Variants in SIPA1L2 observed in about 807,000 individuals in gnomAD.
SIPA1L2 encodes signal-induced proliferation-associated 1-like protein 2.
A neutral mutation model predicts 163.9 loss-of-function variants in SIPA1L2; 56 were observed. The ratio of observed to expected loss-of-function variants is 0.34; its 90% CI spans 0.28 to 0.43. The LOEUF is 0.43. Among genes scored for constraint, SIPA1L2 ranks in the 20% least tolerant of loss-of-function variants. The pLI is 1.00. For synonymous variants in SIPA1L2, 877 were observed against 865.7 expected, an observed-to-expected ratio of 1.01 and a Z score of -0.23; for missense variants, 1,974 against 2,193.5, an observed-to-expected ratio of 0.90 and a Z score of 2.00.
intron 11 of SIPA1L2, among the ~76,000 whole-genome samples, chr1:232,445,044 T>C (rs1043708457): frequency 1.3e-5 from 2 of 152,214 alleles, no homozygotes; most frequent in Non-Finnish European, 2.9e-5. Flanking sequence ...CATTCTTCTT[T>C]GAAAAAATAA....
In SIPA1L2 at chr1:232,495,564, C is replaced by CAAA. The variant is rs386369969; in HGVS notation, c.1484-1907_1484-1905dup. On this transcript the variant is annotated intron_variant, in intron 3 of 22. Coordinates refer to ENST00000674635, the MANE Select transcript of SIPA1L2 (RefSeq NM_020808.5). ...TGGGTGACAGAGCAAGACTCCGTCTCAAAAAAAAAAAAAAAAAGATGAAAG... is the reference window on the plus strand; with the variant it reads ...TGGGTGACAGAGCAAGACTCCGTCTCAAAAAAAAAAAAAAAAAAAAGATGAAAG... 7.7e-4 allele frequency among the ~76,000 whole-genome samples: 77 copies of CAAA among 100,380 alleles called. 3 individuals carry two copies. In the East Asian group the frequency reaches 0.014, roughly 19 times the overall value. 65.9% of individuals were successfully genotyped at this position (100,380 alleles called of 152,430 possible). A position where few individuals can be genotyped will look rare whatever the true frequency, so the allele number is the denominator to read the frequency against.
chr1:232,460,766 G>T, intron 10 of SIPA1L2, 121 bp downstream of exon 10: 1 of 1,225,936 alleles, frequency 8.2e-7, no homozygotes, highest in South Asian at 1.6e-5. Flanking sequence ...TGACATCCCA[G>T]AACACTGTAC....
At chr1:232,598,369 T>G (rs970392105) in intron 1 of SIPA1L2, among the ~76,000 whole-genome samples, 5 of 152,122 alleles carry the variant, frequency 3.3e-5, no homozygotes, top group Non-Finnish European at 7.3e-5. Flanking sequence ...GGTGATGGCA[T>G]CAATGTACTC....
intron 1 of SIPA1L2, among the ~76,000 whole-genome samples, chr1:232,625,175 G>A (rs1026749522): frequency 7.2e-5 from 11 of 152,218 alleles, no homozygotes; most frequent in African/African-American, 2.4e-4. Context: ...ATATGGGCTA[G>A]TTATAAGATA....
rs745662748 is a variant in SIPA1L2, at chr1:232,441,328, T to G, written c.3605A>C (p.Asp1202Ala). 3 of 1,593,790 alleles carry G rather than the reference T, an allele frequency of 1.9e-6. No homozygotes were observed. The highest frequency in any genetic ancestry group is 2.6e-6 in the Non-Finnish European group (3 of 1,175,594). ...ATTGGGGGAATCTTTGCAACTTCCA[T>G]CTTTCTGCAGAGCTCTTTCTTTATA... ...GSYKERALQK[D>A]GSCKDSPNKL... Residue 1202 changes from aspartate to alanine, a missense_variant, in exon 14 of 23, where the codon GAT becomes GCT. This residue lies in a region of SIPA1L2 where 1,079 missense variants were observed against 1,150.7 expected (regional missense o/e 0.94). Coordinates refer to ENST00000674635, the MANE Select transcript of SIPA1L2 (RefSeq NM_020808.5).
chr1:232,607,759 T>TAAA (rs775834153), intron 1 of SIPA1L2, among the ~76,000 whole-genome samples: 9 of 144,950 alleles, frequency 6.2e-5, no homozygotes, highest in Admixed American at 4.1e-4. Flanking sequence ...CACCTCTTTT[T>TAAA]TAAAAAAAAA....
chr1:232,403,349 A>C, intron 21 of SIPA1L2, 99 bp downstream of exon 21: 1 of 1,470,326 alleles, frequency 6.8e-7, no homozygotes, highest in Non-Finnish European at 9.3e-7. Context: ...GCATGGTGCA[A>C]TATGGTCGCC....
chr1:232,544,924 A>G (rs1657936606), intron 2 of SIPA1L2, among the ~76,000 whole-genome samples: 1 of 152,158 alleles, frequency 6.6e-6, no homozygotes, highest in African/African-American at 2.4e-5. Context: ...CTCTGAATCC[A>G]GCATATGAAT....
intron 2 of SIPA1L2, among the ~76,000 whole-genome samples, chr1:232,529,554 G>A (rs887675969): frequency 6.6e-6 from 1 of 152,146 alleles, no homozygotes; most frequent in African/African-American, 2.4e-5. Context: ...CCAGAATACA[G>A]CTTGGCTAAA....
intron 9 of SIPA1L2, 148 bp downstream of exon 9, chr1:232,464,692 A>G: frequency 1.5e-6 from 1 of 648,044 alleles, no homozygotes. Context: ...AAAAGGACCC[A>G]GCATTTAAAA....
At chr1:232,407,437 A>C (rs1391625396) in intron 19 of SIPA1L2, among the ~76,000 whole-genome samples, 1 of 152,252 alleles carries the variant, frequency 6.6e-6, no homozygotes, top group East Asian at 1.9e-4. Context: ...AAAAGTTCTC[A>C]TCATAAAAAG....
chr1:232,496,856 C>T (rs150186038), intron 3 of SIPA1L2, among the ~76,000 whole-genome samples: 27 of 152,220 alleles, frequency 1.8e-4, no homozygotes, highest in Middle Eastern at 3.4e-3. Flanking sequence ...AAAAATACAA[C>T]AGTCATAAGA....
intron 9 of SIPA1L2, among the ~76,000 whole-genome samples, chr1:232,464,146 A>C (rs923493290): frequency 1.4e-4 from 21 of 152,226 alleles, no homozygotes; most frequent in African/African-American, 3.9e-4. Flanking sequence ...AAAAACTAGA[A>C]GTAGTTTGAT....
intron 18 of SIPA1L2, among the ~76,000 whole-genome samples, chr1:232,417,840 G>A (rs1428711282): frequency 1.3e-5 from 2 of 152,166 alleles, no homozygotes; most frequent in Non-Finnish European, 2.9e-5. Context: ...CCACATGGCT[G>A]GGCTCTTCGG....
At chr1:232,430,163 G>T (rs1662145476) in intron 16 of SIPA1L2, among the ~76,000 whole-genome samples, 1 of 152,150 alleles carries the variant, frequency 6.6e-6, no homozygotes, top group Admixed American at 6.5e-5. Context: ...TGTGCATGTG[G>T]TATGTATGTG....
chr1:232,479,550 C>A, intron 7 of SIPA1L2, 77 bp downstream of exon 7: 1 of 1,108,548 alleles, frequency 9.0e-7, no homozygotes, highest in Non-Finnish European at 1.4e-6. Context: ...GCAAGTTCTA[C>A]ATGCATCAAT....
At chr1:232,482,195 CA>C (rs1449351798) in intron 6 of SIPA1L2, among the ~76,000 whole-genome samples, 1 of 152,184 alleles carries the variant, frequency 6.6e-6, no homozygotes, top group Admixed American at 6.5e-5. Context: ...CCTCTGTCAT[CA>C]AAATGCAAAG....
At chr1:232,451,675 G>C (rs1663588264) in intron 10 of SIPA1L2, among the ~76,000 whole-genome samples, 2 of 152,226 alleles carry the variant, frequency 1.3e-5, no homozygotes, top group Admixed American at 1.3e-4. Context: ...TCAATGGATG[G>C]AAACTGCATT....
chr1:232,443,971 G>A (rs1439170536), intron 11 of SIPA1L2, among the ~76,000 whole-genome samples: 1 of 152,116 alleles, frequency 6.6e-6, no homozygotes, highest in Non-Finnish European at 1.5e-5. Flanking sequence ...CTCCCTCCCA[G>A]AGAAATACAG....
Sources: allele counts gnomAD v4.1 joint callset (sites outside exome capture counted in the v4.1 genomes callset), GRCh38; gene constraint gnomAD v4.1.1; regional missense constraint gnomAD v4.1.1; transcripts MANE v1.5; gene names NCBI Gene and HGNC (gene_info 2026-07-23, HGNC 2026-07-21).